The following NAPEPLD variants were observed in gnomAD, a reference collection of about 807,000 sequenced individuals.
NAPEPLD encodes N-acyl-phosphatidylethanolamine-hydrolyzing phospholipase D.
A neutral mutation model predicts 38.1 loss-of-function variants in NAPEPLD; 23 were observed. The observed-to-expected ratio is 0.60, with a 90% CI of 0.43 to 0.86. The LOEUF (loss-of-function observed/expected upper bound fraction) is 0.86, where lower values mean the gene tolerates loss of function less well. Ranked by LOEUF, NAPEPLD falls within the 40% of genes least tolerant of loss-of-function variation. The probability of loss-of-function intolerance (pLI) is 0.00; values close to 1 mark genes in which losing one functional copy is unlikely to be tolerated. For synonymous variants in NAPEPLD, 147 were observed against 162.0 expected (o/e 0.91, Z 0.71); for missense variants, 411 against 476.8 (o/e 0.86, Z 1.28).
chr7:103,113,246 C>T (rs1021289687), intron 4 of NAPEPLD, among the ~76,000 whole-genome samples: 3 of 152,200 alleles, frequency 2.0e-5, no homozygotes, highest in Non-Finnish European at 4.4e-5. Flanking sequence ...AATACGCACC[C>T]ACACACCCAC....
intron 2 of NAPEPLD, among the ~76,000 whole-genome samples, chr7:103,126,499 T>C (rs987079578): frequency 6.6e-6 from 1 of 152,174 alleles, no homozygotes; most frequent in African/African-American, 2.4e-5. Context: ...GTTATCCTCA[T>C]ACCTCCTTTG....
intron 1 of NAPEPLD, among the ~76,000 whole-genome samples, chr7:103,133,005 C>T (rs1372685558): frequency 6.6e-6 from 1 of 152,144 alleles, no homozygotes; most frequent in African/African-American, 2.4e-5. Flanking sequence ...TCCCCTAACA[C>T]ACACAAAGTC....
rs376034526 is a variant in NAPEPLD, at chr7:103,110,291, G to A, written c.1056+4769C>T. Among the ~76,000 whole-genome samples the A allele has an allele frequency of 5.3e-4, 80 of 152,226 alleles. No homozygotes were observed. The East Asian group carries it at 0.013, about 24-fold the overall frequency. Reference sequence around the variant, plus strand: ...CCTGGCAGAGACACAACAAAAAAGAGAAAATTTCAGGCCAATATCCCTGAT... The same window carrying A: ...CCTGGCAGAGACACAACAAAAAAGAAAAAATTTCAGGCCAATATCCCTGAT... On this transcript the variant is annotated intron_variant, in intron 4 of 4. Transcript: ENST00000465647.
chr7:103,138,036 G>A (rs1810450379), intron 1 of NAPEPLD, among the ~76,000 whole-genome samples: 1 of 149,012 alleles, frequency 6.7e-6, no homozygotes, highest in Admixed American at 6.7e-5. Flanking sequence ...GGAGTGCAAT[G>A]GTGCAATCTC....
intron 3 of NAPEPLD, among the ~76,000 whole-genome samples, chr7:103,118,922 T>G (rs1031351421): frequency 6.6e-6 from 1 of 152,216 alleles, no homozygotes; most frequent in African/African-American, 2.4e-5. Context: ...ATGACCAGAT[T>G]AACTTCAGTG....
chr7:103,146,934 A>C (rs6465906), intron 1 of NAPEPLD, among the ~76,000 whole-genome samples: 97,597 of 151,624 alleles, frequency 0.64, 33,032 homozygotes, highest in Middle Eastern at 0.79. Flanking sequence ...AACTCTCTCT[A>C]TATATATACA....
chr7:103,122,598 A>T, intron 2 of NAPEPLD, among the ~76,000 whole-genome samples: 1 of 152,176 alleles, frequency 6.6e-6, no homozygotes, highest in East Asian at 1.9e-4. Flanking sequence ...CCTCATCTGG[A>T]AAACAGGTGT....
At chr7:103,118,689 GT>G (rs776048805) in intron 3 of NAPEPLD, among the ~76,000 whole-genome samples, 2 of 152,160 alleles carry the variant, frequency 1.3e-5, no homozygotes, top group Non-Finnish European at 2.9e-5. Context: ...TACTATTAGT[GT>G]TTTGTTTTCT....
chr7:103,122,117 T>G (rs998583917), intron 2 of NAPEPLD, among the ~76,000 whole-genome samples: 3 of 151,430 alleles, frequency 2.0e-5, no homozygotes, highest in African/African-American at 7.3e-5. Context: ...TTTTTTTTTT[T>G]GTAGAGACAG....
intron 1 of NAPEPLD, among the ~76,000 whole-genome samples, chr7:103,146,344 CAAA>C (rs200723040): frequency 2.1e-5 from 2 of 96,620 alleles, no homozygotes; most frequent in African/African-American, 3.8e-5. Flanking sequence ...GACTCCGTCT[CAAA>C]AAAAAAAAAA....
intron 4 of NAPEPLD, among the ~76,000 whole-genome samples, chr7:103,114,519 G>A (rs909171834): frequency 6.6e-6 from 1 of 152,104 alleles, no homozygotes; most frequent in Non-Finnish European, 1.5e-5. Flanking sequence ...CTGCCTCCGA[G>A]CCTATGCTCT....
chr7:103,109,394 C>T (rs889128061), intron 4 of NAPEPLD, among the ~76,000 whole-genome samples: 4 of 152,160 alleles, frequency 2.6e-5, no homozygotes, highest in African/African-American at 9.7e-5. Context: ...GTCTCTCAGA[C>T]CACATGCAAT....
chr7:103,139,589 C>T (rs886473911), intron 1 of NAPEPLD, among the ~76,000 whole-genome samples: 3 of 152,254 alleles, frequency 2.0e-5, no homozygotes, highest in African/African-American at 4.8e-5. Flanking sequence ...AGTTAAAGGG[C>T]GCTGATGGCA....
intron 1 of NAPEPLD, chr7:103,141,638 A>G: frequency 2.2e-6 from 2 of 900,124 alleles, no homozygotes; most frequent in South Asian, 1.3e-5. Context: ...CCGGTGCAGA[A>G]TCCTCATTCT....
intron 1 of NAPEPLD, chr7:103,148,123 A>AT (rs1350435166): frequency 8.1e-6 from 8 of 983,382 alleles, no homozygotes; most frequent in Non-Finnish European, 9.7e-6. Flanking sequence ...AGAAATGGAA[A>AT]TGTTAGAGAT....
intron 4 of NAPEPLD, among the ~76,000 whole-genome samples, chr7:103,104,448 GAAT>G (rs1802902173): frequency 6.6e-6 from 1 of 152,198 alleles, no homozygotes; most frequent in African/African-American, 2.4e-5. Flanking sequence ...TAGCAACAGA[GAAT>G]AAGGGACAGC....
chr7:103,138,569 A>T (rs1810566456), intron 1 of NAPEPLD, among the ~76,000 whole-genome samples: 1 of 151,888 alleles, frequency 6.6e-6, no homozygotes, highest in African/African-American at 2.4e-5. Context: ...CCCAGGTTCA[A>T]ACGATTCTCC....
At chr7:103,144,026 G>C (rs954866860) in intron 1 of NAPEPLD, among the ~76,000 whole-genome samples, 2 of 152,210 alleles carry the variant, frequency 1.3e-5, no homozygotes, top group Non-Finnish European at 2.9e-5. Flanking sequence ...AAGCACTTTA[G>C]ATAATTATTA....
chr7:103,116,032 T>C (rs1265861004), intron 3 of NAPEPLD, among the ~76,000 whole-genome samples: 1 of 150,960 alleles, frequency 6.6e-6, no homozygotes, highest in Admixed American at 6.7e-5. Context: ...TCTGTCACCA[T>C]CTGCTGGTTT....
Sources: gnomAD v4.1 joint callset for allele counts (sites outside exome capture counted in the v4.1 genomes callset) on GRCh38, gnomAD v4.1.1 for gene constraint, MANE v1.5 for transcripts, NCBI Gene and HGNC (gene_info 2026-07-23, HGNC 2026-07-21) for gene names.